Variants in ITPKB observed in about 807,000 individuals in gnomAD.
ITPKB encodes the protein inositol-trisphosphate 3-kinase B.
ITPKB carries 13 observed loss-of-function variants against 69.4 expected under a neutral mutation model. The observed-to-expected ratio is 0.19, with a 90% CI of 0.12 to 0.30. ITPKB has a LOEUF of 0.30. Among genes scored for constraint, ITPKB ranks in the 10% least tolerant of loss-of-function variants. The pLI is 1.00. For missense variants in ITPKB, 1,240 were observed against 1,250.5 expected (o/e 0.99, Z 0.13); for synonymous variants, 584 against 513.7 (o/e 1.14, Z -1.85).
In ITPKB at chr1:226,736,233, A is replaced by T; in HGVS notation, c.1226T>A (p.Leu409Gln). 1 of 1,543,382 alleles carries T rather than the reference A, an allele frequency of 6.5e-7. No individual in the cohort carries two copies. The change falls in exon 2 of 8, where the codon CTG becomes CAG. Residue 409 changes from leucine (L) to glutamine (Q), a missense_variant. Around this residue, in one of 2 missense-constraint regions of ITPKB, gnomAD observed 992 missense variants for 853.8 expected, o/e 1.16. Transcript: ENST00000429204. Reference protein sequence around the residue: ...SVQSAESSDSLSWSRLPRALA... With the variant: ...SVQSAESSDSQSWSRLPRALA... Reference sequence around the variant, plus strand: ...GGCCCTGGGCAGCCTGGACCAGCTCAGGGAATCAGAGGACTCTGCGCTTTG... The same window carrying T: ...GGCCCTGGGCAGCCTGGACCAGCTCTGGGAATCAGAGGACTCTGCGCTTTG...
intron 2 of ITPKB, among the ~76,000 whole-genome samples, chr1:226,686,523 C>T (rs1197839640): frequency 6.6e-6 from 1 of 152,178 alleles, no homozygotes; most frequent in African/African-American, 2.4e-5. Flanking sequence ...GTGGGAAAAA[C>T]CCAAAGCTCC....
rs1172677164 is a variant in ITPKB, at chr1:226,738,388, A to C, written c.-206+653T>G. On this transcript the variant is annotated intron_variant, in intron 1 of 7. Transcript: ENST00000429204. This position sits in a 1 kb window ranked among gnomAD's most constrained non-coding sequence, Gnocchi z 4.2. ...GTGTTTTGTGAGTGTGGGCGCACCG[A>C]GGTTCTACACGTTCTCTTTACCGGA... Among the ~76,000 whole-genome samples the C allele has an allele frequency of 2.5e-5, 2 of 80,264 alleles. No individual in the cohort carries two copies. Among genetic ancestry groups the C allele is most frequent in the Non-Finnish European group, 5.5e-5 (2 of 36,348 alleles). The allele number at this position is 80,264 out of a possible 152,430, so 52.7% of individuals were successfully genotyped here.
At chr1:226,683,192 G>A (rs1043570689) in intron 2 of ITPKB, among the ~76,000 whole-genome samples, 2 of 152,224 alleles carry the variant, frequency 1.3e-5, no homozygotes, top group African/African-American at 4.8e-5. Context: ...AAGGCAGAGA[G>A]GGCTGGGGAA....
In ITPKB at chr1:226,701,603, CAAAAAAAAAAAAAAAA is replaced by C. The variant is rs58756019; in HGVS notation, c.1932+33908_1932+33923del. ...TGGGCGAAAGAGTGAGACTCCGTCTCAAAAAAAAAAAAAAAAAAAAAAAAAAAACTTCACTTTACCC... is the reference window on the plus strand; with the variant it reads ...TGGGCGAAAGAGTGAGACTCCGTCTCAAAAAAAAAAAACTTCACTTTACCC... On this transcript the variant is annotated intron_variant, in intron 2 of 7. Transcript: ENST00000429204. 6.7e-5 allele frequency among the ~76,000 whole-genome samples: 3 copies of C among 44,870 alleles called. No individual in the cohort carries two copies. The Admixed American group carries it at 9.7e-4, about 15-fold the overall frequency. 29.4% of individuals were successfully genotyped at this position (44,870 alleles called of 152,430 possible).
At chr1:226,704,199 AAAG>A (rs1656748039) in intron 2 of ITPKB, among the ~76,000 whole-genome samples, 1 of 152,204 alleles carries the variant, frequency 6.6e-6, no homozygotes, top group African/African-American at 2.4e-5. Context: ...ACTACGAAAT[AAAG>A]AATATAAACA....
chr1:226,734,992 A>G (rs944942720), intron 2 of ITPKB, among the ~76,000 whole-genome samples: 2 of 152,258 alleles, frequency 1.3e-5, no homozygotes, highest in African/African-American at 4.8e-5. Flanking sequence ...TTCCTCACCC[A>G]GTTGACTGGC....
intron 2 of ITPKB, among the ~76,000 whole-genome samples, chr1:226,685,930 C>CT (rs1304135426): frequency 1.3e-5 from 2 of 151,904 alleles, no homozygotes; most frequent in African/African-American, 2.4e-5. Context: ...GAATGTGATG[C>CT]AAGACAAGAA....
rs1446644602 is a variant in ITPKB at position 226,642,921 on chromosome 1, TGGCCTTGGAAGG to T, written c.2247-808_2247-797del. Among the ~76,000 whole-genome samples, 2 of 152,086 alleles carry T rather than the reference TGGCCTTGGAAGG, an allele frequency of 1.3e-5. No homozygotes were observed. The highest frequency in any genetic ancestry group is 6.5e-5 in the Admixed American group (1 of 15,268). ...GGAGCACAAAGTTCAGGTCAGAAAGTGGCCTTGGAAGGGGTCCCAGTGTGGATGGAGAAGGCC... is the reference window on the plus strand; with the variant it reads ...GGAGCACAAAGTTCAGGTCAGAAAGTGGTCCCAGTGTGGATGGAGAAGGCC... On this transcript the variant is annotated intron_variant, in intron 4 of 7. Coordinates refer to ENST00000429204, the MANE Select transcript of ITPKB (RefSeq NM_002221.4). This position sits in a 1 kb window ranked among gnomAD's most constrained non-coding sequence, Gnocchi z 6.4.
intron 2 of ITPKB, among the ~76,000 whole-genome samples, chr1:226,662,250 C>G (rs557475889): frequency 6.6e-6 from 1 of 152,200 alleles, no homozygotes; most frequent in Non-Finnish European, 1.5e-5. Flanking sequence ...TTCTTCATCC[C>G]ATGCTGGAGG....
intron 2 of ITPKB, among the ~76,000 whole-genome samples, chr1:226,710,851 G>T (rs1022854180): frequency 6.6e-6 from 1 of 152,214 alleles, no homozygotes; most frequent in Non-Finnish European, 1.5e-5. Context: ...TGCCAGGGGT[G>T]GGGAGAAGGA....
intron 2 of ITPKB, among the ~76,000 whole-genome samples, chr1:226,661,945 G>A (rs867299968): frequency 1.3e-5 from 2 of 152,220 alleles, no homozygotes; most frequent in African/African-American, 4.8e-5. Context: ...CCACAGCCAG[G>A]AGGAAGTGGA....
intron 4 of ITPKB, among the ~76,000 whole-genome samples, chr1:226,643,099 A>T (rs1195776766): frequency 2.6e-5 from 4 of 152,162 alleles, no homozygotes; most frequent in Non-Finnish European, 5.9e-5. Context: ...CTTCCAACTC[A>T]ACTGCCTCAC....
rs1396766722 is a variant in ITPKB at position 226,639,681 on chromosome 1, C to A, written c.2452-23G>T. 6 of 1,513,404 alleles carry A rather than the reference C, an allele frequency of 4.0e-6. No homozygotes were observed. In the East Asian group the frequency reaches 1.4e-4, roughly 34 times the overall value. 93.7% of individuals were successfully genotyped at this position (1,513,404 alleles called of 1,614,324 possible). On this transcript the variant is annotated intron_variant, in intron 5 of 7. Coordinates refer to ENST00000429204, the MANE Select transcript of ITPKB (RefSeq NM_002221.4). ...TTTCTGAGAAAGAGAACACCCCACC[C>A]AGGAGGGGGTCAGCAGGGACCCTCG...
At chr1:226,662,460 C>T (rs1013625077) in intron 2 of ITPKB, among the ~76,000 whole-genome samples, 5 of 152,220 alleles carry the variant, frequency 3.3e-5, no homozygotes, top group African/African-American at 1.2e-4. Context: ...TCAGGTTATA[C>T]ATTTTAAAAC....
At chr1:226,728,090 A>C (rs1009972091) in intron 2 of ITPKB, among the ~76,000 whole-genome samples, 16 of 152,314 alleles carry the variant, frequency 1.1e-4, no homozygotes, top group African/African-American at 3.8e-4. Context: ...GGGAAAAAAA[A>C]CATCTCCTCC....
intron 2 of ITPKB, chr1:226,656,848 G>A (rs79538049): frequency 5.3e-5 from 8 of 152,266 alleles, no homozygotes; most frequent in Non-Finnish European, 7.3e-5. Context: ...TGCAGTCACC[G>A]TGAGAGCCTG....
chr1:226,642,184 T>A lies in ITPKB; in HGVS notation c.2247-59A>T, dbSNP rs1668976520. ...GCCTGGGGCAGGGCTCACCAGCAGC[T>A]CCTTTCCTGCCTGGTGGATGAAGGT... On this transcript the variant is annotated intron_variant, in intron 4 of 7. Coordinates refer to ENST00000429204, the MANE Select transcript of ITPKB (RefSeq NM_002221.4). This position sits in a 1 kb window ranked among gnomAD's most constrained non-coding sequence, Gnocchi z 6.4. 2 of 1,391,524 alleles carry A rather than the reference T, an allele frequency of 1.4e-6. No individual in the cohort carries two copies. The allele number at this position is 1,391,524 out of a possible 1,614,324, so 86.2% of individuals were successfully genotyped here.
intron 2 of ITPKB, among the ~76,000 whole-genome samples, chr1:226,731,229 GA>G (rs1274830523): frequency 6.6e-6 from 1 of 152,176 alleles, no homozygotes; most frequent in Non-Finnish European, 1.5e-5. Flanking sequence ...TAAACAGAAT[GA>G]ATCTTTTACT....
At chr1:226,657,190 T>C (rs1224984201) in intron 2 of ITPKB, 1 of 152,176 alleles carries the variant, frequency 6.6e-6, no homozygotes, top group Non-Finnish European at 1.5e-5. Flanking sequence ...TCAATATCAG[T>C]TTCTGGTTCA....
Sources: gnomAD v4.1 joint callset for allele counts (sites outside exome capture counted in the v4.1 genomes callset) on GRCh38, gnomAD v4.1.1 for gene constraint, gnomAD v4.1.1 regional missense constraint, Gnocchi (gnomAD v3.1) non-coding constraint, MANE v1.5 for transcripts, NCBI Gene and HGNC (gene_info 2026-07-23, HGNC 2026-07-21) for gene names.